Variants in VPS8 observed in about 807,000 individuals in gnomAD.
VPS8 encodes the protein vacuolar protein sorting-associated protein 8 homolog.
A neutral mutation model predicts 216.4 loss-of-function variants in VPS8; 129 were observed. The observed-to-expected ratio is 0.60, with a 90% CI of 0.52 to 0.69. The LOEUF (loss-of-function observed/expected upper bound fraction) is 0.69. Ranked by LOEUF, VPS8 falls within the 30% of genes least tolerant of loss-of-function variation. The probability of loss-of-function intolerance (pLI) is 0.00; values close to 1 mark genes in which losing one functional copy is unlikely to be tolerated. For missense variants in VPS8, 1,531 were observed against 1,683.5 expected, an observed-to-expected ratio of 0.91 and a Z score of 1.59; for synonymous variants, 571 against 565.4, an observed-to-expected ratio of 1.01 and a Z score of -0.14.
chr3:184,892,470 G>C (rs561495537), intron 22 of VPS8, among the ~76,000 whole-genome samples: 11 of 152,228 alleles, frequency 7.2e-5, no homozygotes, highest in Admixed American at 3.9e-4. Context: ...GCCTGCCTTG[G>C]CCTCCCGAAG....
At chr3:184,917,245 G>A (rs1737756815) in intron 28 of VPS8, among the ~76,000 whole-genome samples, 1 of 152,084 alleles carries the variant, frequency 6.6e-6, no homozygotes, top group African/African-American at 2.4e-5. Context: ...AGAAAGGCCT[G>A]GAAATGAGAC....
At chr3:184,926,748 T>C in intron 31 of VPS8, 98 bp downstream of exon 31, 1 of 1,201,244 alleles carries the variant, frequency 8.3e-7, no homozygotes, top group Non-Finnish European at 1.2e-6. Context: ...TGAGGGGCAA[T>C]TACTTGTGCC....
chr3:185,023,439 A>T (rs930403734), intron 45 of VPS8, among the ~76,000 whole-genome samples: 1 of 152,104 alleles, frequency 6.6e-6, no homozygotes, highest in Admixed American at 6.6e-5. Context: ...TCATGCCTGT[A>T]ATCCCAACAC....
At chr3:184,918,519 C>G (rs1193586097) in intron 28 of VPS8, among the ~76,000 whole-genome samples, 3 of 152,084 alleles carry the variant, frequency 2.0e-5, no homozygotes, top group Admixed American at 6.5e-5. Flanking sequence ...TTAACTACCA[C>G]CAAAATAGTC....
At chr3:184,931,684 A>C (rs1740706815) in intron 34 of VPS8, among the ~76,000 whole-genome samples, 1 of 152,148 alleles carries the variant, frequency 6.6e-6, no homozygotes, top group African/African-American at 2.4e-5. Context: ...GAGAACATGG[A>C]ATATGTTATT....
At chr3:184,973,323 ATTAAATAAT>A (rs1237479181) in intron 40 of VPS8, among the ~76,000 whole-genome samples, 5 of 152,224 alleles carry the variant, frequency 3.3e-5, no homozygotes, top group Non-Finnish European at 7.3e-5. Context: ...GTAAAATTGC[ATTAAATAAT>A]GCTTGCTTTT....
At chr3:185,048,454 A>C (rs764129729) in intron 46 of VPS8, 25 bp from the exon 47 acceptor site, 1 of 1,612,652 alleles carries the variant, frequency 6.2e-7, no homozygotes. Flanking sequence ...TGATGTTGTT[A>C]ATCGTATCGG....
chr3:184,850,087 A>C, intron 10 of VPS8, 65 bp downstream of exon 10: 1 of 1,376,116 alleles, frequency 7.3e-7, no homozygotes, highest in Non-Finnish European at 1.0e-6. Flanking sequence ...TTTTAAAGTA[A>C]ATTTCTCTAT....
At chr3:184,947,044 G>A (rs868059454) in intron 36 of VPS8, among the ~76,000 whole-genome samples, 1 of 152,264 alleles carries the variant, frequency 6.6e-6, no homozygotes, top group Middle Eastern at 3.4e-3. Context: ...ATCTTACATA[G>A]TGACAAGACA....
At chr3:184,883,519 T>C (rs534307857) in intron 21 of VPS8, among the ~76,000 whole-genome samples, 104 of 152,306 alleles carry the variant, frequency 6.8e-4, no homozygotes, top group African/African-American at 2.3e-3. Context: ...TAGACTCCTC[T>C]CAATGCCTTC....
intron 21 of VPS8, among the ~76,000 whole-genome samples, chr3:184,877,309 T>G (rs1157311338): frequency 1.3e-5 from 2 of 152,228 alleles, no homozygotes; most frequent in South Asian, 2.1e-4. Context: ...TGTGTAAGTT[T>G]AGGAACATGT....
At position 184,838,408 on chromosome 3, in the gene VPS8, A is replaced by G. The variant is rs139443134; in HGVS notation, c.448-306A>G. Among the ~76,000 whole-genome samples, 462 of 152,328 alleles carry G rather than the reference A, an allele frequency of 3.0e-3. 3 individuals are homozygous for G. The highest frequency in any genetic ancestry group is 0.011 in the African/African-American group (445 of 41,584). Reference sequence around the variant, plus strand: ...CATAGTACTTATAGTTTATTCAAGTATAGAAAATGGAACATCTTTCCTCTT... The same window carrying G: ...CATAGTACTTATAGTTTATTCAAGTGTAGAAAATGGAACATCTTTCCTCTT... On this transcript the variant is annotated intron_variant, in intron 5 of 47. Coordinates refer to ENST00000625842, the MANE Select transcript of VPS8 (RefSeq NM_001009921.3).
intron 31 of VPS8, among the ~76,000 whole-genome samples, chr3:184,927,371 C>G (rs947450903): frequency 2.0e-5 from 3 of 152,108 alleles, no homozygotes; most frequent in Non-Finnish European, 2.9e-5. Flanking sequence ...TTGAGACTAT[C>G]GGATAGCAAC....
At chr3:184,940,078 T>G (rs944824024) in intron 35 of VPS8, 119 bp from the exon 36 acceptor site, 2 of 355,396 alleles carry the variant, frequency 5.6e-6, no homozygotes, top group Non-Finnish European at 1.0e-5. Flanking sequence ...ACAGAGGGCT[T>G]TGTGGAAATA....
In VPS8 at chr3:184,997,907, C is replaced by G. The variant is rs1047490924; in HGVS notation, c.3836+1406C>G. 1.2e-4 allele frequency among the ~76,000 whole-genome samples: 19 copies of G among 152,144 alleles called. No homozygotes were observed. The East Asian group carries it at 1.5e-3, about 12-fold the overall frequency. ...TAATTTATAGAGTAGTCCAGGAAAG[C>G]CTTCTTGTTTAAGTGACGTTTGAGG... On this transcript the variant is annotated intron_variant, in intron 44 of 47. Coordinates refer to ENST00000625842, the MANE Select transcript of VPS8 (RefSeq NM_001009921.3).
intron 10 of VPS8, among the ~76,000 whole-genome samples, chr3:184,851,517 A>G (rs1035176157): frequency 2.6e-5 from 4 of 152,038 alleles, no homozygotes; most frequent in Non-Finnish European, 5.9e-5. Flanking sequence ...ACTAATTTTT[A>G]TGTACATTAT....
chr3:184,885,245 T>A (rs892360899), intron 21 of VPS8, among the ~76,000 whole-genome samples: 6 of 152,168 alleles, frequency 3.9e-5, no homozygotes, highest in African/African-American at 1.4e-4. Flanking sequence ...TCCCTCCTGA[T>A]GAGATTTCTG....
chr3:184,882,127 A>G (rs947420907), intron 21 of VPS8, among the ~76,000 whole-genome samples: 1 of 151,824 alleles, frequency 6.6e-6, no homozygotes, highest in Non-Finnish European at 1.5e-5. Context: ...GAGAGGTGAG[A>G]GCAGACATCC....
At chr3:184,831,384 C>T (rs1030597911) in intron 3 of VPS8, among the ~76,000 whole-genome samples, 6 of 152,132 alleles carry the variant, frequency 3.9e-5, no homozygotes, top group South Asian at 2.1e-4. Context: ...GTGGATTTGG[C>T]TAGTAGCATC....
Sources: allele counts gnomAD v4.1 joint callset (sites outside exome capture counted in the v4.1 genomes callset), GRCh38; gene constraint gnomAD v4.1.1; transcripts MANE v1.5; gene names NCBI Gene and HGNC (gene_info 2026-07-23, HGNC 2026-07-21).